SLAMF8: variants seen among roughly 807,000 people sequenced by gnomAD.
SLAMF8 encodes B lymphocyte activator macrophage expressed.
SLAMF8 carries 23 observed loss-of-function variants against 29.0 expected under a neutral mutation model. The observed-to-expected ratio is 0.79, with a 90% CI of 0.57 to 1.13. SLAMF8 has a LOEUF of 1.13. Among genes scored for constraint, SLAMF8 ranks in the 50% most tolerant of loss-of-function variants. The pLI, the probability that SLAMF8 is intolerant of heterozygous loss-of-function variation, is 0.00. For synonymous variants in SLAMF8, 139 were observed against 145.6 expected, an observed-to-expected ratio of 0.96 and a Z score of 0.32; for missense variants, 381 against 353.1, an observed-to-expected ratio of 1.08 and a Z score of -0.63.
At position 159,835,709 on chromosome 1, in the gene SLAMF8, T is replaced by C. The variant is rs1647879299; in HGVS notation, c.*449T>C. ...TAATAGAGGAACTCTGAGTCACCCA[T>C]GCCAGCATCAGCTTCAGCCCCAGAC... On this transcript the variant is annotated 3_prime_UTR_variant, in exon 5 of 5. Coordinates refer to ENST00000289707, the MANE Select transcript of SLAMF8 (RefSeq NM_020125.3). The C allele has an allele frequency of 2.0e-6, 2 of 987,100 alleles. No homozygotes were observed. Among genetic ancestry groups the C allele is most frequent in the Non-Finnish European group, 2.4e-6 (2 of 831,104 alleles). The allele number at this position is 987,100 out of a possible 1,614,324, so 61.1% of individuals were successfully genotyped here.
At chr1:159,834,575 T>G (rs1647770770) in intron 4 of SLAMF8, 1 of 152,394 alleles carries the variant, frequency 6.6e-6, no homozygotes, top group African/African-American at 2.4e-5. Context: ...ATTCGCAGAG[T>G]TGGGCATCCA....
At position 159,833,107 on chromosome 1, in the gene SLAMF8, C is replaced by T. The variant is rs1408075972; in HGVS notation, c.599C>T (p.Ser200Phe). 5.0e-6 allele frequency: 8 copies of T among 1,614,184 alleles called. No homozygotes were observed. In the South Asian group the frequency reaches 8.8e-5, roughly 18 times the overall value. Residue 200 changes from serine to phenylalanine, a missense_variant, in exon 3 of 5, where the codon TCC (serine) becomes TTC (phenylalanine). Coordinates refer to ENST00000289707, the MANE Select transcript of SLAMF8 (RefSeq NM_020125.3). ...LGPGDRDVAY[S>F]CIVSNPVSWD... ...CCAGGAGACAGAGATGTGGCCTATT[C>T]CTGCATTGTCTCCAACCCTGTCAGC...
In SLAMF8 at chr1:159,835,243, G is replaced by C; in HGVS notation, c.841G>C (p.Val281Leu). ...GGGTCCAGAGACAGAGAACCCCCTT[G>C]TGCAGGATCTGCCATAAAGGACAAT... is the stretch of plus-strand genomic sequence containing the variant. ...RVGPETENPL[V>L]QDLP The change falls in exon 5 of 5, where the codon GTG becomes CTG. Residue 281 changes from valine to leucine, a missense_variant. Val to Leu is a conservative substitution (Grantham distance 32). Coordinates refer to ENST00000289707, the MANE Select transcript of SLAMF8 (RefSeq NM_020125.3). 2 of 1,614,004 alleles carry C rather than the reference G, an allele frequency of 1.2e-6. No individual in the cohort carries two copies. The highest frequency in any genetic ancestry group is 1.7e-6 in the Non-Finnish European group (2 of 1,179,984).
rs1356840847 is a variant in SLAMF8, at chr1:159,835,421, G to T, written c.*161G>T. Reference sequence around the variant, plus strand: ...GCAGCCTGGGCAGCCATCACACCACGAGGACAGGAAGCACCAGCACGTTTC... The same window carrying T: ...GCAGCCTGGGCAGCCATCACACCACTAGGACAGGAAGCACCAGCACGTTTC... On this transcript the variant is annotated 3_prime_UTR_variant, in exon 5 of 5. Coordinates refer to ENST00000289707, the MANE Select transcript of SLAMF8 (RefSeq NM_020125.3). 7.1e-7 allele frequency: 1 copy of T among 1,403,072 alleles called. No individual in the cohort carries two copies. Among genetic ancestry groups the T allele is most frequent in the South Asian group, 1.7e-5 (1 of 59,802 alleles). 86.9% of individuals were successfully genotyped at this position (1,403,072 alleles called of 1,614,324 possible). A position where few individuals can be genotyped will look rare whatever the true frequency, so the allele number is the denominator to read the frequency against.
At chr1:159,830,303 T>G in intron 2 of SLAMF8, 111 bp downstream of exon 2, 2 of 1,206,578 alleles carry the variant, frequency 1.7e-6, no homozygotes, top group Non-Finnish European at 2.2e-6. Context: ...CTCTGGTCTC[T>G]GACCATGTTG....
At chr1:159,831,397 G>A (rs1236399307) in intron 2 of SLAMF8, among the ~76,000 whole-genome samples, 2 of 151,822 alleles carry the variant, frequency 1.3e-5, no homozygotes, top group African/African-American at 4.8e-5. Context: ...CTGGATGCAC[G>A]CAGCCCTGAG....
chr1:159,836,862 A>G lies in SLAMF8; in HGVS notation c.*1602A>G. On this transcript the variant is annotated 3_prime_UTR_variant, in exon 5 of 5. Coordinates refer to ENST00000289707, the MANE Select transcript of SLAMF8 (RefSeq NM_020125.3). Reference sequence around the variant, plus strand: ...ACTTCTCTCCTATCACCTTCCCCCAAGATTACCTGAACAGGGTCCATGGCC... The same window carrying G: ...ACTTCTCTCCTATCACCTTCCCCCAGGATTACCTGAACAGGGTCCATGGCC... 2 of 985,408 alleles carry G rather than the reference A, an allele frequency of 2.0e-6. No individual in the cohort carries two copies. The highest frequency in any genetic ancestry group is 1.7e-5 in the African/African-American group (1 of 57,302). The allele number at this position is 985,408 out of a possible 1,614,324, so 61.0% of individuals were successfully genotyped here. A position where few individuals can be genotyped will look rare whatever the true frequency, so the allele number is the denominator to read the frequency against.
chr1:159,828,545 G>A (rs1191961496), intron 1 of SLAMF8, among the ~76,000 whole-genome samples: 1 of 152,154 alleles, frequency 6.6e-6, no homozygotes, highest in African/African-American at 2.4e-5. Flanking sequence ...CCTCAGCAGG[G>A]TAGGTCATTT....
At chr1:159,828,438 C>T (rs926410587) in intron 1 of SLAMF8, among the ~76,000 whole-genome samples, 15 of 152,282 alleles carry the variant, frequency 9.9e-5, no homozygotes, top group East Asian at 1.9e-4. Flanking sequence ...TTATCATGGC[C>T]GACTGAGCAA....
At chr1:159,829,283 T>C (rs909164790) in intron 1 of SLAMF8, among the ~76,000 whole-genome samples, 9 of 152,176 alleles carry the variant, frequency 5.9e-5, no homozygotes, top group African/African-American at 2.2e-4. Flanking sequence ...GCCCCATTGC[T>C]CTACAGATAA....
In SLAMF8 at chr1:159,836,837, A is replaced by G; in HGVS notation, c.*1577A>G. On this transcript the variant is annotated 3_prime_UTR_variant, in exon 5 of 5. Coordinates refer to ENST00000289707, the MANE Select transcript of SLAMF8 (RefSeq NM_020125.3). ...AAATTCTCATCCCTTTCCCACACCC[A>G]CTTCTCTCCTATCACCTTCCCCCAA... 1.0e-6 allele frequency: 1 copy of G among 985,172 alleles called. No homozygotes were observed. The highest frequency in any genetic ancestry group is 1.7e-5 in the African/African-American group (1 of 57,190). The allele number at this position is 985,172 out of a possible 1,614,324, so 61.0% of individuals were successfully genotyped here.
intron 4 of SLAMF8, 112 bp downstream of exon 4, chr1:159,833,481 C>T (rs576659306): frequency 1.5e-5 from 22 of 1,473,268 alleles, no homozygotes; most frequent in South Asian, 2.4e-5. Flanking sequence ...CTTCCTACCT[C>T]TCCCACCTCA....
chr1:159,833,407 G>A (rs773361757), intron 4 of SLAMF8, 38 bp downstream of exon 4: 3 of 1,613,268 alleles, frequency 1.9e-6, no homozygotes, highest in Non-Finnish European at 1.7e-6. Flanking sequence ...GGTGGAGGAA[G>A]TGGAGTTCCT....
Position 159,836,071 on chromosome 1 carries a change from T to C in SLAMF8, c.*811T>C. The C allele has an allele frequency of 1.0e-6, 1 of 985,390 alleles. No individual in the cohort carries two copies. Among genetic ancestry groups the C allele is most frequent in the Non-Finnish European group, 1.2e-6 (1 of 829,936 alleles). The allele number at this position is 985,390 out of a possible 1,614,324, so 61.0% of individuals were successfully genotyped here. A position where few individuals can be genotyped will look rare whatever the true frequency, so the allele number is the denominator to read the frequency against. On this transcript the variant is annotated 3_prime_UTR_variant, in exon 5 of 5. Coordinates refer to ENST00000289707, the MANE Select transcript of SLAMF8 (RefSeq NM_020125.3). ...CCAGCACAGTGGCCAGGAAAAGAAA[T>C]ACTGAATTTGCCCCAGCCAACAGGA...
At position 159,830,124 on chromosome 1, in the gene SLAMF8, A is replaced by G. The variant is rs761379745; in HGVS notation, c.299A>G (p.Asn100Ser). The change falls in exon 2 of 5, where the codon AAC becomes AGC. Residue 100 changes from asparagine (N) to serine (S), a missense_variant. Transcript: ENST00000289707. ...CCGCTGGAGTCTGGAGACAGCGGCA[A>G]CTTCTCCGTGTTGATGGTGGACACA... ...LGPLESGDSG[N>S]FSVLMVDTRG... 1 of 1,614,158 alleles carries G rather than the reference A, an allele frequency of 6.2e-7. No individual in the cohort carries two copies. Among genetic ancestry groups the G allele is most frequent in the Non-Finnish European group, 8.5e-7 (1 of 1,179,986 alleles).
intron 1 of SLAMF8, among the ~76,000 whole-genome samples, chr1:159,827,476 C>T (rs764647003): frequency 2.0e-5 from 3 of 152,066 alleles, no homozygotes; most frequent in Non-Finnish European, 2.9e-5. Flanking sequence ...TAGGGGTGGC[C>T]GACGGTGGTG....
Position 159,828,041 on chromosome 1 carries a change from C to T in SLAMF8, c.40+1103C>T, listed in dbSNP as rs1663735037. Among the ~76,000 whole-genome samples, 3 of 152,086 alleles carry T rather than the reference C, an allele frequency of 2.0e-5. No individual in the cohort carries two copies. In the South Asian group the frequency reaches 6.2e-4, roughly 32 times the overall value. On this transcript the variant is annotated intron_variant, in intron 1 of 4. Coordinates refer to ENST00000289707, the MANE Select transcript of SLAMF8 (RefSeq NM_020125.3). Reference sequence around the variant, plus strand: ...TAGAGACAGGGTTTCATCATGTTGACCAGGCTGGTCTCAAACTCCTGACCT... The same window carrying T: ...TAGAGACAGGGTTTCATCATGTTGATCAGGCTGGTCTCAAACTCCTGACCT...
In SLAMF8 at chr1:159,837,161, C is replaced by T; in HGVS notation, c.*1901C>T. 1 of 985,444 alleles carries T rather than the reference C, an allele frequency of 1.0e-6. No individual in the cohort carries two copies. Among genetic ancestry groups the T allele is most frequent in the South Asian group, 4.7e-5 (1 of 21,280 alleles). The allele number at this position is 985,444 out of a possible 1,614,324, so 61.0% of individuals were successfully genotyped here. A position where few individuals can be genotyped will look rare whatever the true frequency, so the allele number is the denominator to read the frequency against. ...CCCTCCACAAGGTGACTCTTAGCAA[C>T]CTCATTTCGACAGTGGTTTGTAGCG... On this transcript the variant is annotated 3_prime_UTR_variant, in exon 5 of 5. Coordinates refer to ENST00000289707, the MANE Select transcript of SLAMF8 (RefSeq NM_020125.3).
chr1:159,826,876 T>A lies in SLAMF8; in HGVS notation c.-23T>A. 1.2e-6 allele frequency: 2 copies of A among 1,613,924 alleles called. No homozygotes were observed. Among genetic ancestry groups the A allele is most frequent in the Non-Finnish European group, 1.7e-6 (2 of 1,179,948 alleles). ...TTCTGGATTTTGGCTGTCGAGGGAG[T>A]TTGCCTGCCTCTCCAGAGAAAGATG... On this transcript the variant is annotated 5_prime_UTR_variant, in exon 1 of 5. Transcript: ENST00000289707.
Sources: gnomAD v4.1 joint callset for allele counts (sites outside exome capture counted in the v4.1 genomes callset) on GRCh38, gnomAD v4.1.1 for gene constraint, MANE v1.5 for transcripts, NCBI Gene and HGNC (gene_info 2026-07-23, HGNC 2026-07-21) for gene names.